The following ATG14 variants were observed in gnomAD, a reference collection of about 807,000 sequenced individuals.
ATG14 encodes the protein beclin 1-associated autophagy-related key regulator.
ATG14 carries 35 observed loss-of-function variants against 60.4 expected under a neutral mutation model. That is an observed-to-expected ratio of 0.58 (90% confidence interval 0.44 to 0.77). The LOEUF (loss-of-function observed/expected upper bound fraction) is 0.77. Among genes scored for constraint, ATG14 ranks in the 30% least tolerant of loss-of-function variants. The pLI is 0.00. For synonymous variants in ATG14, 234 were observed against 228.8 expected (o/e 1.02, Z -0.21); for missense variants, 647 against 626.3 (o/e 1.03, Z -0.35).
chr14:55,384,252 CGTGT>C (rs777098778), intron 5 of ATG14, among the ~76,000 whole-genome samples: 3 of 152,196 alleles, frequency 2.0e-5, no homozygotes, highest in Non-Finnish European at 2.9e-5. Flanking sequence ...ATTTTCTCCT[CGTGT>C]GTGTATTTTC....
In ATG14 at chr14:55,411,604, C is replaced by A. The variant is rs1479079998; in HGVS notation, c.219G>T (p.Glu73Asp). ...DFVYFDGRDR[E>D]RFIDKKERLS... ...TAGGGCCGTGGCGGCCGCCGTACCT[C>A]TCCCGGTCGCGGCCGTCGAAGTAGA... is the stretch of plus-strand genomic sequence containing the variant. Residue 73 changes from glutamate to aspartate, a missense_variant and splice_region_variant, in exon 1 of 10, where the codon GAG (glutamate) becomes GAT (aspartate). By Grantham distance (45) the Glu-to-Asp change is conservative. Transcript: ENST00000247178. 1 of 1,607,182 alleles carries A rather than the reference C, an allele frequency of 6.2e-7. No individual in the cohort carries two copies. The highest frequency in any genetic ancestry group is 2.2e-5 in the East Asian group (1 of 44,694).
intron 2 of ATG14, among the ~76,000 whole-genome samples, chr14:55,396,854 C>CA (rs530085422): frequency 1.2e-4 from 18 of 151,680 alleles, no homozygotes; most frequent in Middle Eastern, 3.4e-3. Context: ...TTCCCCCCCA[C>CA]AAAAAAAACA....
chr14:55,371,238 C>T (rs945473707), intron 9 of ATG14, among the ~76,000 whole-genome samples: 2 of 152,170 alleles, frequency 1.3e-5, no homozygotes, highest in African/African-American at 4.8e-5. Flanking sequence ...TATAGCTTGC[C>T]ATTTCAGCCT....
rs1264756801 is a variant in ATG14 at position 55,377,938 on chromosome 14, A to C, written c.1087-34T>G. On this transcript the variant is annotated intron_variant, in intron 8 of 9. Transcript: ENST00000247178. Reference sequence around the variant, plus strand: ...AATTAAAGAATTGGTTAATATTTTCAACTATTTAACAAAGTAAAAATTAGT... The same window carrying C: ...AATTAAAGAATTGGTTAATATTTTCCACTATTTAACAAAGTAAAAATTAGT... 1.9e-6 allele frequency: 3 copies of C among 1,590,874 alleles called. No individual in the cohort carries two copies. In the Admixed American group the frequency reaches 5.5e-5, roughly 29 times the overall value.
At chr14:55,371,275 A>G (rs1198372119) in intron 9 of ATG14, among the ~76,000 whole-genome samples, 1 of 152,220 alleles carries the variant, frequency 6.6e-6, no homozygotes, top group Non-Finnish European at 1.5e-5. Flanking sequence ...CACAGCCTTC[A>G]CAATGATGAA....
In ATG14 at chr14:55,380,669, G is replaced by A. The variant is rs1395735565; in HGVS notation, c.899C>T (p.Ala300Val). The change falls in exon 7 of 10, where the codon GCC (alanine) becomes GTC (valine). Residue 300 changes from alanine to valine, a missense_variant. By Grantham distance (64) the Ala-to-Val change is moderately conservative. Transcript: ENST00000247178. The part of the protein sequence containing the change: ...QGPDMEQSNP[A>V]YTISAALCYA... The stretch of plus-strand genomic sequence containing the variant: ...GCACAGCGCAGCACTGATGGTGTAG[G>A]CAGGGTTACTCTGCTCCATGTCTGC... 1 of 1,608,564 alleles carries A rather than the reference G, an allele frequency of 6.2e-7. No homozygotes were observed. The highest frequency in any genetic ancestry group is 8.5e-7 in the Non-Finnish European group (1 of 1,177,548).
rs1250469436 is a variant in ATG14, at chr14:55,367,369, C to G, written c.*2250G>C. Reference sequence around the variant, plus strand: ...TACCATCTTCACTCTCTACGAACTCCAGAACTGGATGGGAAAATGGAAGCC... The same window carrying G: ...TACCATCTTCACTCTCTACGAACTCGAGAACTGGATGGGAAAATGGAAGCC... On this transcript the variant is annotated 3_prime_UTR_variant, in exon 10 of 10. Coordinates refer to ENST00000247178, the MANE Select transcript of ATG14 (RefSeq NM_014924.5). 1 of 152,216 alleles carries G rather than the reference C, an allele frequency of 6.6e-6. No homozygotes were observed. The highest frequency in any genetic ancestry group is 1.5e-5 in the Non-Finnish European group (1 of 68,070). The allele number at this position is 152,216 out of a possible 1,614,324, so 9.4% of individuals were successfully genotyped here.
At chr14:55,389,140 GT>G (rs1885172935) in intron 4 of ATG14, among the ~76,000 whole-genome samples, 2 of 152,170 alleles carry the variant, frequency 1.3e-5, no homozygotes, top group African/African-American at 4.8e-5. Context: ...ATTCTTTGTG[GT>G]GGTTGTTTTT....
At chr14:55,398,058 C>T (rs1885341178) in intron 1 of ATG14, among the ~76,000 whole-genome samples, 1 of 151,598 alleles carries the variant, frequency 6.6e-6, no homozygotes, top group South Asian at 2.1e-4. Context: ...CGCCATTCTC[C>T]CGCCTCAGCC....
rs1196207877 is a variant in ATG14 at position 55,390,939 on chromosome 14, T to C, written c.381A>G (p.Ile127Met). Residue 127 changes from isoleucine to methionine, a missense_variant, in exon 4 of 10, where the codon ATA (isoleucine) becomes ATG (methionine). Transcript: ENST00000247178. Reference sequence around the variant, plus strand: ...TCTCCATTTCTTCATTTCCTTTACATATTGTTTGTTTTAACTGTTCAATCC... The same window carrying C: ...TCTCCATTTCTTCATTTCCTTTACACATTGTTTGTTTTAACTGTTCAATCC... ...KMRIEQLKQT[I>M]CKGNEEMEKN... The C allele has an allele frequency of 6.2e-7, 1 of 1,604,540 alleles. No homozygotes were observed. Among genetic ancestry groups the C allele is most frequent in the East Asian group, 2.2e-5 (1 of 44,744 alleles).
chr14:55,376,818 G>A (rs1884926926), intron 9 of ATG14, among the ~76,000 whole-genome samples: 2 of 152,142 alleles, frequency 1.3e-5, no homozygotes, highest in South Asian at 2.1e-4. Flanking sequence ...AGACTGCTAA[G>A]AGCAAGGAAA....
At chr14:55,377,029 G>A (rs2140124913) in intron 9 of ATG14, among the ~76,000 whole-genome samples, 1 of 152,258 alleles carries the variant, frequency 6.6e-6, no homozygotes, top group Admixed American at 6.5e-5. Context: ...TCCAACAAAT[G>A]GTGATCAGAT....
chr14:55,369,135 A>G lies in ATG14; in HGVS notation c.*484T>C, dbSNP rs1169195671. 6.5e-6 allele frequency: 1 copy of G among 152,770 alleles called. No homozygotes were observed. The highest frequency in any genetic ancestry group is 1.5e-5 in the Non-Finnish European group (1 of 68,116). 9.5% of individuals were successfully genotyped at this position (152,770 alleles called of 1,614,324 possible). On this transcript the variant is annotated 3_prime_UTR_variant, in exon 10 of 10. Transcript: ENST00000247178. Reference sequence around the variant, plus strand: ...TAAATTGCCTGCTGGTTCTCATACAAAAAACAATGGCAGAAAAACTCTTAT... The same window carrying G: ...TAAATTGCCTGCTGGTTCTCATACAGAAAACAATGGCAGAAAAACTCTTAT...
rs1884699187 is a variant in ATG14, at chr14:55,367,222, T to G, written c.*2397A>C. 2 of 152,182 alleles carry G rather than the reference T, an allele frequency of 1.3e-5. No homozygotes were observed. The highest frequency in any genetic ancestry group is 4.1e-4 in the South Asian group (2 of 4,832). 9.4% of individuals were successfully genotyped at this position (152,182 alleles called of 1,614,324 possible). A position where few individuals can be genotyped will look rare whatever the true frequency, so the allele number is the denominator to read the frequency against. On this transcript the variant is annotated 3_prime_UTR_variant, in exon 10 of 10. Transcript: ENST00000247178. ...TTGTGCATCTCTCAGCTGAAGTCAG[T>G]CTCCACCACCAAGCTCCAAATCCCA...
At chr14:55,408,229 G>A (rs909632086) in intron 1 of ATG14, among the ~76,000 whole-genome samples, 5 of 152,122 alleles carry the variant, frequency 3.3e-5, no homozygotes, top group South Asian at 2.1e-4. Context: ...GAGGCTGGTG[G>A]ATGGCTTGAG....
At chr14:55,392,884 A>G (rs896499069) in intron 3 of ATG14, among the ~76,000 whole-genome samples, 8 of 152,162 alleles carry the variant, frequency 5.3e-5, no homozygotes, top group Non-Finnish European at 1.0e-4. Context: ...ATCCACAGGG[A>G]CTGAGGGGTT....
intron 3 of ATG14, among the ~76,000 whole-genome samples, chr14:55,394,573 A>G (rs956384025): frequency 2.0e-5 from 3 of 152,156 alleles, no homozygotes; most frequent in Non-Finnish European, 4.4e-5. Context: ...TACACTACAG[A>G]TTCAAATTTT....
intron 3 of ATG14, chr14:55,395,064 C>A: frequency 2.0e-6 from 1 of 502,004 alleles, no homozygotes; most frequent in Non-Finnish European, 4.0e-6. Context: ...CCTTTGCTCC[C>A]CTTTTCCCTT....
intron 9 of ATG14, 98 bp downstream of exon 9, chr14:55,377,721 G>T: frequency 2.5e-6 from 2 of 813,042 alleles, no homozygotes; most frequent in Non-Finnish European, 1.9e-6. Context: ...GGTTTGAGGA[G>T]TTTGGGATTA....
Sources: allele counts gnomAD v4.1 joint callset (sites outside exome capture counted in the v4.1 genomes callset), GRCh38; gene constraint gnomAD v4.1.1; transcripts MANE v1.5; gene names NCBI Gene and HGNC (gene_info 2026-07-23, HGNC 2026-07-21).